DYNC1H1: variants seen among roughly 807,000 people sequenced by gnomAD.
DYNC1H1 encodes the protein cytoplasmic dynein 1 heavy chain 1.
DYNC1H1 carries 51 observed loss-of-function variants against 527.1 expected under a neutral mutation model. The observed-to-expected ratio is 0.10, with a 90% CI of 0.08 to 0.12. DYNC1H1 has a LOEUF of 0.12. DYNC1H1 is among the 10% of genes least tolerant of loss of function. The pLI is 1.00. For missense variants in DYNC1H1, 2,771 were observed against 5,971.8 expected (o/e 0.46, Z 17.66); for synonymous variants, 2,189 against 2,278.8 (o/e 0.96, Z 1.12).
chr14:102,002,115 T>G lies in DYNC1H1; in HGVS notation c.4543-422T>G, dbSNP rs1438516934. Among the ~76,000 whole-genome samples, 2 of 151,522 alleles carry G rather than the reference T, an allele frequency of 1.3e-5. No individual in the cohort carries two copies. Among genetic ancestry groups the G allele is most frequent in the East Asian group, 1.9e-4 (1 of 5,170 alleles). ...TTGTTTGCTTGCTTTTTTGTTTTTT[T>G]TTTTTCTTTTTTTGAGATGGAGTCT... is the stretch of plus-strand genomic sequence containing the variant. On this transcript the variant is annotated intron_variant, in intron 21 of 77. Transcript: ENST00000360184. This position sits in a 1 kb window ranked among gnomAD's most constrained non-coding sequence, Gnocchi z 4.4.
chr14:102,040,447 T>C (rs2048634633), intron 63 of DYNC1H1, 37 bp downstream of exon 63: 2 of 1,613,872 alleles, frequency 1.2e-6, no homozygotes, highest in Middle Eastern at 1.6e-4. Flanking sequence ...TAGGTAAATG[T>C]TGGCCTTTTC....
chr14:101,991,423 C>A, intron 10 of DYNC1H1, 104 bp from the exon 11 acceptor site: 1 of 1,415,384 alleles, frequency 7.1e-7, no homozygotes, highest in Non-Finnish European at 9.7e-7. Context: ...CAAGGTTGTG[C>A]CATTACACTG....
At chr14:101,974,382 C>T (rs956213473) in intron 1 of DYNC1H1, among the ~76,000 whole-genome samples, 55 of 152,146 alleles carry the variant, frequency 3.6e-4, no homozygotes, top group African/African-American at 1.2e-3. Flanking sequence ...TGCAGGCATG[C>T]GCCATCACGC....
rs541400235 is a variant in DYNC1H1, at chr14:101,987,874, T to C, written c.2718+242T>C. Among the ~76,000 whole-genome samples the C allele has an allele frequency of 6.6e-5, 10 of 152,226 alleles. No individual in the cohort carries two copies. In the South Asian group the frequency reaches 1.9e-3, roughly 28 times the overall value. On this transcript the variant is annotated intron_variant, in intron 9 of 77. Transcript: ENST00000360184. ...AGGCAGATCGCTTGAGCCCAGAAGT[T>C]TGAGACCAGCCTGGGCAACATGGCA...
rs1489863193 is a variant in DYNC1H1, at chr14:101,975,734, A to G, written c.279A>G (p.Glu93=). The G allele has an allele frequency of 6.2e-6, 10 of 1,613,544 alleles. No homozygotes were observed. Among genetic ancestry groups the G allele is most frequent in the South Asian group, 1.1e-5 (1 of 91,058 alleles). The change falls in exon 2 of 78, where the codon GAA becomes GAG. Residue 93 remains glutamate (E), a synonymous_variant. Transcript: ENST00000360184. The part of the protein sequence containing the change: ...TLKEDVGDEG[E]EEKEFISYNI... ...TAGAGGACGTCGGTGATGAAGGAGA[A>G]GAAGAAAAAGAATTCATTTCCTATA...
chr14:101,990,828 G>C (rs2141278103), intron 10 of DYNC1H1, among the ~76,000 whole-genome samples: 1 of 152,104 alleles, frequency 6.6e-6, no homozygotes, highest in African/African-American at 2.4e-5. Flanking sequence ...GTCCAACATG[G>C]TGAAACCCCA....
rs2048622120 is a variant in DYNC1H1, at chr14:102,039,745, A to G, written c.11690+13A>G. Reference sequence around the variant, plus strand: ...AGGGCACCGTGGGGTAAGAGCACTCACGCCCACAGGAGGATGCCATATTGC... The same window carrying G: ...AGGGCACCGTGGGGTAAGAGCACTCGCGCCCACAGGAGGATGCCATATTGC... On this transcript the variant is annotated intron_variant, in intron 62 of 77. Transcript: ENST00000360184. The surrounding 1 kb of genome is among the most constrained non-coding windows in gnomAD (Gnocchi z 7.0). 1.2e-6 allele frequency: 2 copies of G among 1,613,950 alleles called. No homozygotes were observed. The highest frequency in any genetic ancestry group is 2.7e-5 in the African/African-American group (2 of 74,918).
At position 102,033,065 on chromosome 14, in the gene DYNC1H1, T is replaced by C; in HGVS notation, c.10080T>C (p.Ser3360=). Residue 3360 remains serine, a splice_region_variant and synonymous_variant, in exon 53 of 78, where the codon AGT becomes AGC. Transcript: ENST00000360184. The surrounding 1 kb of genome is among the most constrained non-coding windows in gnomAD (Gnocchi z 5.6). ...TIVNFSAEEI[S]DAIREKMKKN... The stretch of plus-strand genomic sequence containing the variant: ...TAGAAATATCATTCGTCTTTTACAG[T>C]GACGCCATAAGGGAGAAGATGAAGA... 6.2e-7 allele frequency: 1 copy of C among 1,613,266 alleles called. No individual in the cohort carries two copies. Among genetic ancestry groups the C allele is most frequent in the East Asian group, 2.2e-5 (1 of 44,880 alleles).
intron 23 of DYNC1H1, among the ~76,000 whole-genome samples, chr14:102,004,118 C>T (rs952435604): frequency 6.6e-6 from 1 of 151,712 alleles, no homozygotes; most frequent in Non-Finnish European, 1.5e-5. Flanking sequence ...GTGGTGGGCG[C>T]CTGTAGTCCC....
rs138964836 is a variant in DYNC1H1, at chr14:101,990,870, G to A, written c.2869-657G>A. ...CTAAAAATACAAAAATTAGCTGGGCGTGGTGATACATGCCTGTAGTCCCAG... is the reference window on the plus strand; with the variant it reads ...CTAAAAATACAAAAATTAGCTGGGCATGGTGATACATGCCTGTAGTCCCAG... On this transcript the variant is annotated intron_variant, in intron 10 of 77. Coordinates refer to ENST00000360184, the MANE Select transcript of DYNC1H1 (RefSeq NM_001376.5). 5.5e-3 allele frequency among the ~76,000 whole-genome samples: 839 copies of A among 152,138 alleles called. 17 individuals are homozygous for A. The highest frequency in any genetic ancestry group is 0.036 in the East Asian group (188 of 5,176).
At chr14:102,040,930 C>A (rs1272292891) in intron 64 of DYNC1H1, 1 of 548,212 alleles carries the variant, frequency 1.8e-6, no homozygotes, top group Admixed American at 3.0e-5. Flanking sequence ...TGCACTCCAG[C>A]CTGGGCAGCA....
Position 102,039,828 on chromosome 14 carries a change from C to G in DYNC1H1, c.11690+96C>G. Reference sequence around the variant, plus strand: ...ATGCTTTTATTATTTCTTTTATTTTCTCTTTTATTTTCTTTATTTTATTTT... The same window carrying G: ...ATGCTTTTATTATTTCTTTTATTTTGTCTTTTATTTTCTTTATTTTATTTT... On this transcript the variant is annotated intron_variant, in intron 62 of 77. Coordinates refer to ENST00000360184, the MANE Select transcript of DYNC1H1 (RefSeq NM_001376.5). The surrounding 1 kb of genome is among the most constrained non-coding windows in gnomAD (Gnocchi z 7.0). 1 of 1,236,904 alleles carries G rather than the reference C, an allele frequency of 8.1e-7. No homozygotes were observed. The highest frequency in any genetic ancestry group is 1.1e-6 in the Non-Finnish European group (1 of 899,732). 76.6% of individuals were successfully genotyped at this position (1,236,904 alleles called of 1,614,324 possible). A position where few individuals can be genotyped will look rare whatever the true frequency, so the allele number is the denominator to read the frequency against.
chr14:102,039,727 C>T lies in DYNC1H1; in HGVS notation c.11685C>T (p.Thr3895=), dbSNP rs17541519. ...TGGCAAGAATCAAACTGAAGGGCAC[C>T]GTGGGGTAAGAGCACTCACGCCCAC... ...MLLARIKLKG[T]VGEPTYDAEF... Residue 3895 remains threonine, a synonymous_variant, in exon 62 of 78, where the codon ACC becomes ACT. Coordinates refer to ENST00000360184, the MANE Select transcript of DYNC1H1 (RefSeq NM_001376.5). The surrounding 1 kb of genome is among the most constrained non-coding windows in gnomAD (Gnocchi z 7.0). 8.5e-4 allele frequency: 1,366 copies of T among 1,614,164 alleles called. 11 individuals are homozygous for T. The African/African-American group carries it at 0.015, about 18-fold the overall frequency.
intron 16 of DYNC1H1, among the ~76,000 whole-genome samples, chr14:101,998,884 T>C (rs1030903780): frequency 4.2e-5 from 6 of 142,282 alleles, no homozygotes; most frequent in Non-Finnish European, 9.0e-5. Context: ...TTTTTCTTTT[T>C]TTTTTTTTTT....
rs962758825 is a variant in DYNC1H1, at chr14:102,033,993, T to C, written c.10431T>C (p.Ala3477=). ...CCTTTTAGGTAAACCGGAGCACTGC[T>C]CTTCTGAAGAGCTTGTCTGCTGAAC... ...AVEAKVNRST[A]LLKSLSAERE... is the part of the protein sequence containing the mutation. The change falls in exon 55 of 78, where the codon GCT becomes GCC. Residue 3477 remains alanine (A), a synonymous_variant. Transcript: ENST00000360184. This position sits in a 1 kb window ranked among gnomAD's most constrained non-coding sequence, Gnocchi z 5.6. The C allele has an allele frequency of 1.9e-6, 3 of 1,613,856 alleles. No individual in the cohort carries two copies. In the Admixed American group the frequency reaches 5.0e-5, roughly 27 times the overall value.
Position 101,986,443 on chromosome 14 carries a change from C to T in DYNC1H1, c.2218C>T (p.Leu740Phe). 6.2e-7 allele frequency: 1 copy of T among 1,614,186 alleles called. No individual in the cohort carries two copies. Among genetic ancestry groups the T allele is most frequent in the Non-Finnish European group, 8.5e-7 (1 of 1,180,036 alleles). ...TGTGCTTAAGCTGAAAGTTAACTTTCTTCCTGAGATTATCACACTATCCAA... is the reference window on the plus strand; with the variant it reads ...TGTGCTTAAGCTGAAAGTTAACTTTTTTCCTGAGATTATCACACTATCCAA... ...GNVLKLKVNFLPEIITLSKEV... is the reference protein window; with the variant it reads ...GNVLKLKVNFFPEIITLSKEV... The change falls in exon 8 of 78, where the codon CTT becomes TTT. Residue 740 changes from leucine (L) to phenylalanine (F), a missense_variant. By Grantham distance (22) the Leu-to-Phe change is conservative. This residue lies in a region of DYNC1H1 where 264 missense variants were observed against 619.4 expected (regional missense o/e 0.43). Transcript: ENST00000360184. This position sits in a 1 kb window ranked among gnomAD's most constrained non-coding sequence, Gnocchi z 8.7.
In DYNC1H1 at chr14:102,052,859, C is replaced by G. The variant is rs932435652; in HGVS notation, c.*2296C>G. 2 of 152,200 alleles carry G rather than the reference C, an allele frequency of 1.3e-5. No individual in the cohort carries two copies. The highest frequency in any genetic ancestry group is 2.9e-5 in the Non-Finnish European group (2 of 68,060). 9.4% of individuals were successfully genotyped at this position (152,200 alleles called of 1,614,324 possible). On this transcript the variant is annotated 3_prime_UTR_variant, in exon 78 of 78. Transcript: ENST00000360184. ...ATGTGGGTTTTTTGTGACAGGGCGT[C>G]TACTATATGAACTTCCTCTGGACTC...
In DYNC1H1 at chr14:102,039,238, T is replaced by A; in HGVS notation, c.11444T>A (p.Met3815Lys). 1 of 1,613,658 alleles carries A rather than the reference T, an allele frequency of 6.2e-7. No homozygotes were observed. The highest frequency in any genetic ancestry group is 8.5e-7 in the Non-Finnish European group (1 of 1,180,018). Residue 3815 changes from methionine to lysine, a missense_variant, in exon 60 of 78, where the codon ATG becomes AAG. By Grantham distance (95) the Met-to-Lys change is moderately conservative. This residue lies in a region of DYNC1H1 where 283 missense variants were observed against 737.6 expected (regional missense o/e 0.38). Transcript: ENST00000360184. The surrounding 1 kb of genome is among the most constrained non-coding windows in gnomAD (Gnocchi z 7.0). ...GCCTGCAGCAGCATCTACTTCACCA[T>A]GGAGTCCCTCAAGCAGGTGGGTGCC... ...STACSSIYFT[M>K]ESLKQIHFLY...
chr14:101,965,845 C>T lies in DYNC1H1; in HGVS notation c.256+898C>T, dbSNP rs560414167. ...AAAAAAAAAAAAGATTCAGGTTAGG[C>T]ACCTAGTAGGGGGAAGAGGCTAGAG... is the stretch of plus-strand genomic sequence containing the variant. On this transcript the variant is annotated intron_variant, in intron 1 of 77. Coordinates refer to ENST00000360184, the MANE Select transcript of DYNC1H1 (RefSeq NM_001376.5). This position sits in a 1 kb window ranked among gnomAD's most constrained non-coding sequence, Gnocchi z 4.1. 1.3e-5 allele frequency among the ~76,000 whole-genome samples: 2 copies of T among 151,752 alleles called. No individual in the cohort carries two copies. Among genetic ancestry groups the T allele is most frequent in the South Asian group, 4.2e-4 (2 of 4,816 alleles).
Sources: gnomAD v4.1 joint callset for allele counts (sites outside exome capture counted in the v4.1 genomes callset) on GRCh38, gnomAD v4.1.1 for gene constraint, gnomAD v4.1.1 regional missense constraint, Gnocchi (gnomAD v3.1) non-coding constraint, MANE v1.5 for transcripts, NCBI Gene and HGNC (gene_info 2026-07-23, HGNC 2026-07-21) for gene names.